Variants in FHOD3 observed in about 807,000 individuals in gnomAD.
FHOD3 encodes the protein FH1/FH2 domain-containing protein 3.
Under a neutral mutation model 173.0 loss-of-function variants are expected in FHOD3, and 90 were observed. That is an observed-to-expected ratio of 0.52 (90% CI 0.44 to 0.62). The LOEUF (loss-of-function observed/expected upper bound fraction) is 0.62, where lower values mean the gene tolerates loss of function less well. Among genes scored for constraint, FHOD3 ranks in the 20% least tolerant of loss-of-function variants. The pLI is 0.00. For missense variants in FHOD3, 1,945 were observed against 2,034.7 expected, an observed-to-expected ratio of 0.96 and a Z score of 0.85; for synonymous variants, 828 against 823.0, an observed-to-expected ratio of 1.01 and a Z score of -0.10.
chr18:36,742,754 C>T lies in FHOD3; in HGVS notation c.3777C>T (p.Leu1259=), dbSNP rs762708783. Residue 1259 remains leucine, a synonymous_variant, in exon 22 of 29, where the codon CTC becomes CTT. Transcript: ENST00000590592. ...ACTGAAAGGAAGTAGCAGAACCACT[C>T]CTGGACCTGAAGGAAGGAATAGACC... is the stretch of plus-strand genomic sequence containing the variant. ...ETTEKEVAEP[L]LDLKEGIDQL... The T allele has an allele frequency of 1.9e-6, 3 of 1,613,736 alleles. No homozygotes were observed. Among genetic ancestry groups the T allele is most frequent in the South Asian group, 2.2e-5 (2 of 91,014 alleles).
rs911992486 is a variant in FHOD3, at chr18:36,740,868, C to T, written c.3759+30C>T. 1.3e-5 allele frequency: 21 copies of T among 1,589,244 alleles called. 1 individual carries two copies. The Admixed American group carries it at 1.9e-4, about 14-fold the overall frequency. ...GCTCTCTGTAAGAGAGGCCGCTGAT[C>T]CCACATCCACAGTGTTGAGAAAGGC... On this transcript the variant is annotated intron_variant, in intron 21 of 28. Transcript: ENST00000590592.
At chr18:36,664,881 A>G (rs1251585043) in intron 14 of FHOD3, among the ~76,000 whole-genome samples, 2 of 151,788 alleles carry the variant, frequency 1.3e-5, no homozygotes, top group East Asian at 3.9e-4. Flanking sequence ...TCATGCCTAT[A>G]ATCCCAGCAC....
chr18:36,620,994 G>T (rs1351794280), intron 9 of FHOD3, among the ~76,000 whole-genome samples: 1 of 152,132 alleles, frequency 6.6e-6, no homozygotes, highest in African/African-American at 2.4e-5. Flanking sequence ...AGGACATCTG[G>T]TGGCCATTAT....
At chr18:36,651,465 A>T (rs999626240) in intron 11 of FHOD3, among the ~76,000 whole-genome samples, 76 of 152,188 alleles carry the variant, frequency 5.0e-4, no homozygotes, top group African/African-American at 1.7e-3. Context: ...TAAAAATTAT[A>T]TATAATGCCA....
rs896794174 is a variant in FHOD3 at position 36,515,617 on chromosome 18, C to T, written c.511+3074C>T. The stretch of plus-strand genomic sequence containing the variant: ...GAACACTCATGACCAGGGGAGAGCC[C>T]GTCAACCACCTGCTGCTTCTGTTTT... On this transcript the variant is annotated intron_variant, in intron 5 of 28. Coordinates refer to ENST00000590592, the MANE Select transcript of FHOD3 (RefSeq NM_001281740.3). Among the ~76,000 whole-genome samples, 25 of 152,156 alleles carry T rather than the reference C, an allele frequency of 1.6e-4. 1 individual carries two copies. The highest frequency in any genetic ancestry group is 1.6e-3 in the Admixed American group (24 of 15,280).
intron 3 of FHOD3, among the ~76,000 whole-genome samples, chr18:36,460,118 A>G (rs1363677702): frequency 6.6e-6 from 1 of 152,222 alleles, no homozygotes; most frequent in Non-Finnish European, 1.5e-5. Context: ...ATCAAGGACT[A>G]GTACTGTCAG....
intron 3 of FHOD3, among the ~76,000 whole-genome samples, chr18:36,439,306 A>G (rs371656580): frequency 3.9e-5 from 6 of 152,182 alleles, no homozygotes; most frequent in African/African-American, 1.4e-4. Flanking sequence ...AGGCAGCTGT[A>G]TTACTTGCCA....
At chr18:36,646,879 A>G (rs182329667) in intron 10 of FHOD3, among the ~76,000 whole-genome samples, 3 of 152,358 alleles carry the variant, frequency 2.0e-5, no homozygotes, top group African/African-American at 7.2e-5. Flanking sequence ...AAGTGAATGA[A>G]AGACAATAGA....
chr18:36,433,570 A>T (rs1463616215), intron 3 of FHOD3, among the ~76,000 whole-genome samples: 2 of 152,228 alleles, frequency 1.3e-5, no homozygotes, highest in African/African-American at 4.8e-5. Flanking sequence ...ACTCAGTGTG[A>T]TCTATAAATC....
intron 3 of FHOD3, among the ~76,000 whole-genome samples, chr18:36,406,450 G>T (rs2049071772): frequency 6.6e-6 from 1 of 152,190 alleles, no homozygotes; most frequent in Non-Finnish European, 1.5e-5. Flanking sequence ...AATGAGGATG[G>T]CGCATTTGGG....
chr18:36,411,814 C>G (rs113250520), intron 3 of FHOD3, among the ~76,000 whole-genome samples: 1 of 152,220 alleles, frequency 6.6e-6, no homozygotes, highest in African/African-American at 2.4e-5. Context: ...TGCCTTGGCA[C>G]TCTCCTGCCT....
At chr18:36,546,034 T>C (rs1457584839) in intron 5 of FHOD3, among the ~76,000 whole-genome samples, 2 of 152,210 alleles carry the variant, frequency 1.3e-5, no homozygotes, top group African/African-American at 4.8e-5. Flanking sequence ...ATGAAATCCT[T>C]CTCGAATCTG....
At position 36,754,988 on chromosome 18, in the gene FHOD3, ATTATT is replaced by A. The variant is rs1568734820; in HGVS notation, c.4233-130_4233-126del. 11 of 193,084 alleles carry A rather than the reference ATTATT, an allele frequency of 5.7e-5. No individual in the cohort carries two copies. The East Asian group carries it at 1.4e-3, about 25-fold the overall frequency. 12.0% of individuals were successfully genotyped at this position (193,084 alleles called of 1,614,324 possible). A position where few individuals can be genotyped will look rare whatever the true frequency, so the allele number is the denominator to read the frequency against. On this transcript the variant is annotated intron_variant, in intron 24 of 28. Transcript: ENST00000590592. ...GCTTGTTGGTTTCTTTATTATTATT[ATTATT>A]ATTATTATTATTATTATTATTATTT...
chr18:36,454,262 G>A (rs2052034569), intron 3 of FHOD3, among the ~76,000 whole-genome samples: 1 of 151,542 alleles, frequency 6.6e-6, no homozygotes. Context: ...GCATACACAG[G>A]GGCACACACA....
At chr18:36,399,633 T>A (rs1276325961) in intron 3 of FHOD3, among the ~76,000 whole-genome samples, 1 of 152,164 alleles carries the variant, frequency 6.6e-6, no homozygotes, top group East Asian at 1.9e-4. Context: ...CCTTGCTGGT[T>A]TGGCTAGCCT....
intron 18 of FHOD3, among the ~76,000 whole-genome samples, chr18:36,714,025 GA>G (rs1205657884): frequency 1.5e-5 from 2 of 135,346 alleles, no homozygotes; most frequent in African/African-American, 5.1e-5. Flanking sequence ...AAAGTTGGGG[GA>G]AAAAGTCTGT....
intron 10 of FHOD3, among the ~76,000 whole-genome samples, chr18:36,641,991 C>G (rs930011635): frequency 6.6e-6 from 1 of 151,718 alleles, no homozygotes; most frequent in Non-Finnish European, 1.5e-5. Context: ...GGAGATAAAG[C>G]CCTTGCCCCA....
intron 6 of FHOD3, among the ~76,000 whole-genome samples, chr18:36,578,184 T>A (rs928083018): frequency 2.0e-5 from 3 of 152,184 alleles, no homozygotes; most frequent in African/African-American, 7.2e-5. Flanking sequence ...TACCTGAGAC[T>A]GGGTAATTTA....
intron 3 of FHOD3, among the ~76,000 whole-genome samples, chr18:36,393,606 A>G (rs1280338445): frequency 6.6e-6 from 1 of 152,192 alleles, no homozygotes; most frequent in Non-Finnish European, 1.5e-5. Context: ...CCACCAATTC[A>G]GGGTATTGGG....
Sources: allele counts gnomAD v4.1 joint callset (sites outside exome capture counted in the v4.1 genomes callset), GRCh38; gene constraint gnomAD v4.1.1; transcripts MANE v1.5; gene names NCBI Gene and HGNC (gene_info 2026-07-23, HGNC 2026-07-21).